CDH13: variants seen among roughly 807,000 people sequenced by gnomAD.
The protein encoded by CDH13 is cadherin 13, also known as cadherin-13.
A neutral mutation model predicts 63.8 loss-of-function variants in CDH13; 24 were observed. The ratio of observed to expected loss-of-function variants is 0.38; its 90% CI spans 0.27 to 0.53. CDH13 has a LOEUF of 0.53. Ranked by LOEUF, CDH13 falls within the 20% of genes least tolerant of loss-of-function variation. CDH13 has a pLI of 0.85. For synonymous variants in CDH13, 503 were observed against 355.3 expected (o/e 1.42, Z -4.67); for missense variants, 1,049 against 903.1 (o/e 1.16, Z -2.07).
intron 2 of CDH13, among the ~76,000 whole-genome samples, chr16:82,861,467 C>G (rs2039943768): frequency 6.6e-6 from 1 of 152,172 alleles, no homozygotes; most frequent in Non-Finnish European, 1.5e-5. Flanking sequence ...TTGTGTTCAT[C>G]CAATTGTGTG....
chr16:83,271,491 G>A (rs1426745412), intron 5 of CDH13, among the ~76,000 whole-genome samples: 3 of 29,974 alleles, frequency 1.0e-4, no homozygotes, highest in Non-Finnish European at 2.2e-4. Flanking sequence ...TGCATAATGG[G>A]CTTTTATTTA....
chr16:82,980,266 T>C (rs1203841189), intron 2 of CDH13, among the ~76,000 whole-genome samples: 2 of 152,116 alleles, frequency 1.3e-5, no homozygotes, highest in Admixed American at 1.3e-4. Context: ...ACCTGATTCC[T>C]TTTCTCCCTG....
chr16:83,333,558 C>G (rs969992342), intron 5 of CDH13, among the ~76,000 whole-genome samples: 1 of 152,238 alleles, frequency 6.6e-6, no homozygotes, highest in South Asian at 2.1e-4. Context: ...AGATGGCATT[C>G]CAAGGTCACC....
intron 3 of CDH13, among the ~76,000 whole-genome samples, chr16:83,063,134 G>C (rs1198383847): frequency 2.0e-5 from 3 of 152,020 alleles, no homozygotes; most frequent in Admixed American, 6.6e-5. Flanking sequence ...GCTAATTTTT[G>C]TATTTTTAGT....
At chr16:82,992,377 A>G (rs773657556) in intron 2 of CDH13, among the ~76,000 whole-genome samples, 3 of 152,236 alleles carry the variant, frequency 2.0e-5, no homozygotes, top group Non-Finnish European at 4.4e-5. Flanking sequence ...TTTGATATAT[A>G]CAATCAGAGT....
At chr16:83,387,221 TGA>T (rs1331903681) in intron 6 of CDH13, among the ~76,000 whole-genome samples, 2 of 152,176 alleles carry the variant, frequency 1.3e-5, no homozygotes, top group Non-Finnish European at 2.9e-5. Flanking sequence ...TATGCTCACT[TGA>T]GATGCCATAT....
At chr16:82,685,330 C>CT (rs903247716) in intron 1 of CDH13, among the ~76,000 whole-genome samples, 2 of 152,202 alleles carry the variant, frequency 1.3e-5, no homozygotes, top group African/African-American at 4.8e-5. Context: ...CGTGTCCTCA[C>CT]TTGGCAGAAT....
Position 83,525,287 on chromosome 16 carries a change from T to C in CDH13, c.960+38632T>C, listed in dbSNP as rs1229424124. Among the ~76,000 whole-genome samples, 3 of 152,238 alleles carry C rather than the reference T, an allele frequency of 2.0e-5. No individual in the cohort carries two copies. In the East Asian group the frequency reaches 5.8e-4, roughly 29 times the overall value. ...ACTGGCATTTACTGAGCACTTTGTC[T>C]GCACTAGATCCTGTGTGTCATGCAC... On this transcript the variant is annotated intron_variant, in intron 7 of 13. Transcript: ENST00000567109.
intron 3 of CDH13, among the ~76,000 whole-genome samples, chr16:83,045,552 G>A (rs747976410): frequency 3.2e-4 from 48 of 149,674 alleles, no homozygotes; most frequent in Non-Finnish European, 4.7e-4. Flanking sequence ...CAGGAGAATC[G>A]CTCGAACTCA....
chr16:83,317,087 C>T (rs1399401676), intron 5 of CDH13, among the ~76,000 whole-genome samples: 1 of 152,186 alleles, frequency 6.6e-6, no homozygotes, highest in East Asian at 1.9e-4. Flanking sequence ...CTATTGGTAT[C>T]CCATGGATGA....
At chr16:83,428,797 G>A (rs1295061895) in intron 6 of CDH13, among the ~76,000 whole-genome samples, 3 of 152,220 alleles carry the variant, frequency 2.0e-5, no homozygotes, top group South Asian at 2.1e-4. Flanking sequence ...TCTATTTGGT[G>A]CGTGAATTCT....
At chr16:83,556,685 T>A (rs1370571303) in intron 7 of CDH13, among the ~76,000 whole-genome samples, 3 of 152,220 alleles carry the variant, frequency 2.0e-5, no homozygotes, top group Non-Finnish European at 2.9e-5. Context: ...AAACAGAAAC[T>A]ATTTCCACAA....
At chr16:82,896,276 ATTTTTTTTTTTTTTTTTT>A (rs59677448) in intron 2 of CDH13, among the ~76,000 whole-genome samples, 12,634 of 88,584 alleles carry the variant, frequency 0.14, 1,858 homozygotes, top group African/African-American at 0.4. Context: ...TAGGATTAGG[ATTTTTTTTTTTTTTTTTT>A]TTTTTTTTTT....
chr16:83,239,089 C>T (rs558494853), intron 5 of CDH13, among the ~76,000 whole-genome samples: 16 of 152,314 alleles, frequency 1.1e-4, no homozygotes, highest in Non-Finnish European at 1.9e-4. Flanking sequence ...GGGACTGATG[C>T]TCTACTTCCT....
At chr16:83,482,771 G>T (rs757160359) in intron 6 of CDH13, among the ~76,000 whole-genome samples, 1 of 152,168 alleles carries the variant, frequency 6.6e-6, no homozygotes, top group Non-Finnish European at 1.5e-5. Flanking sequence ...TGTGTGTGTT[G>T]TTGTGATATC....
At chr16:82,950,838 C>T (rs11866689) in intron 2 of CDH13, among the ~76,000 whole-genome samples, 31,958 of 137,792 alleles carry the variant, frequency 0.23, 3,702 homozygotes, top group Admixed American at 0.3. Flanking sequence ...TGGTGGTTGG[C>T]GAGGACAGTG....
chr16:83,283,009 T>C (rs1319706689), intron 5 of CDH13, among the ~76,000 whole-genome samples: 1 of 152,214 alleles, frequency 6.6e-6, no homozygotes, highest in Non-Finnish European at 1.5e-5. Flanking sequence ...ACTCCTTATT[T>C]ATAGCATTGC....
intron 7 of CDH13, among the ~76,000 whole-genome samples, chr16:83,572,175 G>GTTGTGT (rs145519267): frequency 2.7e-5 from 4 of 145,586 alleles, no homozygotes; most frequent in African/African-American, 1.0e-4. Flanking sequence ...ACTTTCCTGT[G>GTTGTGT]GTGTGTGTGT....
chr16:83,087,522 G>C (rs1597309529), intron 3 of CDH13, among the ~76,000 whole-genome samples: 1 of 151,798 alleles, frequency 6.6e-6, no homozygotes, highest in East Asian at 1.9e-4. Flanking sequence ...ACAGAGATTA[G>C]CCAGGTGCGG....
Sources: allele counts gnomAD v4.1 joint callset (sites outside exome capture counted in the v4.1 genomes callset), GRCh38; gene constraint gnomAD v4.1.1; transcripts MANE v1.5; gene names NCBI Gene and HGNC (gene_info 2026-07-23, HGNC 2026-07-21).